Variants in ZXDC observed in about 807,000 individuals in gnomAD.
The protein encoded by ZXDC is ZXD family zinc finger C, also known as zinc finger protein ZXDC.
Under a neutral mutation model 63.6 loss-of-function variants are expected in ZXDC, and 58 were observed. The observed-to-expected ratio is 0.91, with a 90% confidence interval of 0.74 to 1.13. ZXDC has a LOEUF of 1.13. Among genes scored for constraint, ZXDC ranks in the 50% most tolerant of loss-of-function variants. The pLI is 0.00. For synonymous variants in ZXDC, 561 were observed against 496.1 expected, an observed-to-expected ratio of 1.13 and a Z score of -1.74; for missense variants, 1,133 against 1,148.9, an observed-to-expected ratio of 0.99 and a Z score of 0.20.
intron 1 of ZXDC, 37 bp from the exon 2 acceptor site, chr3:126,472,342 G>A: frequency 6.3e-7 from 1 of 1,589,942 alleles, no homozygotes; most frequent in Non-Finnish European, 8.6e-7. Flanking sequence ...TCAAAGCGTG[G>A]CAAAAATTAT....
At chr3:126,465,601 G>A (rs1427111693) in intron 5 of ZXDC, among the ~76,000 whole-genome samples, 1 of 152,224 alleles carries the variant, frequency 6.6e-6, no homozygotes, top group Non-Finnish European at 1.5e-5. Flanking sequence ...AGGCTTAGGG[G>A]ACATATGCTA....
chr3:126,473,194 G>A (rs764473897), intron 1 of ZXDC, among the ~76,000 whole-genome samples: 1 of 152,034 alleles, frequency 6.6e-6, no homozygotes, highest in Non-Finnish European at 1.5e-5. Flanking sequence ...TTTGGGCTTC[G>A]GTGTGTTCAC....
Position 126,461,875 on chromosome 3 carries a change from A to T in ZXDC, c.1787T>A (p.Phe596Tyr). ...CACAGTCTGCACGTCATCCACACTG[A>T]AGCTGCCCTGCTGCAGAACCGTGGC... ...TAATVLQQGS[F>Y]SVDDVQTVSA... The change falls in exon 6 of 10, where the codon TTC (phenylalanine) becomes TAC (tyrosine). Residue 596 changes from phenylalanine to tyrosine, a missense_variant. By Grantham distance (22) the Phe-to-Tyr change is conservative. Coordinates refer to ENST00000389709, the MANE Select transcript of ZXDC (RefSeq NM_025112.5). The T allele has an allele frequency of 6.2e-7, 1 of 1,614,136 alleles. No individual in the cohort carries two copies.
chr3:126,454,486 G>C, intron 7 of ZXDC: 1 of 985,342 alleles, frequency 1.0e-6, no homozygotes, highest in Middle Eastern at 5.2e-4. Flanking sequence ...ATTTGCCTTT[G>C]CTTTATTTTA....
chr3:126,455,719 C>T (rs1391884736), intron 7 of ZXDC, among the ~76,000 whole-genome samples: 1 of 152,096 alleles, frequency 6.6e-6, no homozygotes, highest in Non-Finnish European at 1.5e-5. Context: ...TCGTTGAGGC[C>T]GGGCATGGTG....
At chr3:126,474,900 G>T in intron 1 of ZXDC, 59 bp downstream of exon 1, 1 of 1,498,130 alleles carries the variant, frequency 6.7e-7, no homozygotes, top group Non-Finnish European at 8.9e-7. Context: ...GGGCGGACGT[G>T]GCACCCCAGA....
intron 6 of ZXDC, chr3:126,460,598 C>A (rs1934487201): frequency 6.1e-6 from 6 of 985,298 alleles, no homozygotes; most frequent in Non-Finnish European, 7.2e-6. Flanking sequence ...TGACCTGTGG[C>A]CACCTCCCAT....
chr3:126,441,823 GGTCCT>G lies in ZXDC; in HGVS notation c.2331_2335del (p.Gly778SerfsTer21), dbSNP rs1560088217. The G allele has an allele frequency of 6.2e-7, 1 of 1,613,682 alleles. No individual in the cohort carries two copies. The highest frequency in any genetic ancestry group is 8.5e-7 in the Non-Finnish European group (1 of 1,179,892). On this transcript the variant is annotated frameshift_variant, in exon 8 of 10. Transcript: ENST00000389709. LOFTEE classifies it high-confidence loss of function. ...GCACTGCACCCCAGCTGCTGGAGCTGGTCCTGGCCGTCCTCCGCTGGGCACCACGA... is the reference window on the plus strand; with the variant it reads ...GCACTGCACCCCAGCTGCTGGAGCTGGGCCGTCCTCCGCTGGGCACCACGA...
chr3:126,438,432 A>C lies in ZXDC; in HGVS notation c.2520T>G (p.Ala840=). The C allele has an allele frequency of 3.7e-6, 6 of 1,613,954 alleles. No individual in the cohort carries two copies. The highest frequency in any genetic ancestry group is 5.1e-6 in the Non-Finnish European group (6 of 1,179,930). Residue 840 remains alanine, a synonymous_variant, in exon 10 of 10, where the codon GCT becomes GCG. Coordinates refer to ENST00000389709, the MANE Select transcript of ZXDC (RefSeq NM_025112.5). ...CTGGGAACTGGGTGGCCTCCGGTCC[A>C]GCAGGGCCTCCAGATGAGGGGAGCA... ...QEVLPSSGGP[A]GPEATQFPGS... is the part of the protein sequence containing the mutation.
At chr3:126,441,266 G>C (rs112641511) in intron 8 of ZXDC, 16 of 986,734 alleles carry the variant, frequency 1.6e-5, no homozygotes, top group Middle Eastern at 5.1e-4. Flanking sequence ...TGTTTCGTAG[G>C]AAAGAAAATA....
At chr3:126,464,933 G>A (rs956260424) in intron 5 of ZXDC, among the ~76,000 whole-genome samples, 2 of 152,352 alleles carry the variant, frequency 1.3e-5, no homozygotes, top group Admixed American at 1.3e-4. Context: ...AAGATCCCAA[G>A]GAGGGGCTTC....
In ZXDC at chr3:126,466,233, C is replaced by T; in HGVS notation, c.1363G>A (p.Val455Ile). 3 of 1,614,208 alleles carry T rather than the reference C, an allele frequency of 1.9e-6. No homozygotes were observed. The highest frequency in any genetic ancestry group is 1.1e-5 in the South Asian group (1 of 91,090). The change falls in exon 5 of 10, where the codon GTT becomes ATT. Residue 455 changes from valine to isoleucine, a missense_variant. Val to Ile is a conservative substitution (Grantham distance 29). Coordinates refer to ENST00000389709, the MANE Select transcript of ZXDC (RefSeq NM_025112.5). Reference sequence around the variant, plus strand: ...GTGAAGAGTCTGTTGCAGGTAGAAACTGGGCAACGGCTTTTCGGAGCACCC... The same window carrying T: ...GTGAAGAGTCTGTTGCAGGTAGAAATTGGGCAACGGCTTTTCGGAGCACCC... ...DVGAPKSRCP[V>I]STCNRLFTSK...
intron 6 of ZXDC, chr3:126,460,553 G>C (rs1252126018): frequency 1.0e-6 from 1 of 985,296 alleles, no homozygotes; most frequent in East Asian, 1.1e-4. Flanking sequence ...GAGGCACACA[G>C]TCCTGGCACC....
intron 7 of ZXDC, chr3:126,452,151 T>C (rs2107637534): frequency 3.0e-6 from 3 of 985,452 alleles, no homozygotes; most frequent in Non-Finnish European, 3.6e-6. Flanking sequence ...CCTGGGCTCC[T>C]GGCTCTGCCA....
intron 8 of ZXDC, chr3:126,440,275 GC>G (rs1933626669): frequency 2.0e-6 from 2 of 988,944 alleles, no homozygotes; most frequent in Non-Finnish European, 2.4e-6. Context: ...CTGCATGTCC[GC>G]CCATGGCCAT....
At position 126,441,611 on chromosome 3, in the gene ZXDC, G is replaced by C. The variant is rs1933679667; in HGVS notation, c.2394+154C>G. The C allele has an allele frequency of 3.4e-5, 46 of 1,367,692 alleles. No homozygotes were observed. The South Asian group carries it at 8.2e-4, about 24-fold the overall frequency. The allele number at this position is 1,367,692 out of a possible 1,614,324, so 84.7% of individuals were successfully genotyped here. A position where few individuals can be genotyped will look rare whatever the true frequency, so the allele number is the denominator to read the frequency against. On this transcript the variant is annotated intron_variant, in intron 8 of 9. Transcript: ENST00000389709. Reference sequence around the variant, plus strand: ...GGAGGAGCTGGGCTGTGAGGAGACAGGACTTGGGGCAGTCTACAGGGGAGG... The same window carrying C: ...GGAGGAGCTGGGCTGTGAGGAGACACGACTTGGGGCAGTCTACAGGGGAGG...
Position 126,438,260 on chromosome 3 carries a change from C to T in ZXDC, c.*115G>A, listed in dbSNP as rs1481349195. On this transcript the variant is annotated 3_prime_UTR_variant, in exon 10 of 10. Transcript: ENST00000389709. ...AATGTACCCAAAAGTCTCAAAAGGG[C>T]TACGCTGGTCTTCTGAACGGAAACC... is the stretch of plus-strand genomic sequence containing the variant. The T allele has an allele frequency of 4.9e-6, 4 of 817,718 alleles. No homozygotes were observed. Among genetic ancestry groups the T allele is most frequent in the Non-Finnish European group, 8.2e-6 (4 of 486,916 alleles). The allele number at this position is 817,718 out of a possible 1,614,324, so 50.7% of individuals were successfully genotyped here.
rs770106694 is a variant in ZXDC at position 126,459,670 on chromosome 3, CCT to C, written c.2193_2194del (p.Gly732SerfsTer68). The stretch of plus-strand genomic sequence containing the variant: ...GGCCTCACCTGCATTGCTCCCCGCT[CCT>C]CTCTGCTTTTTTTCCTTGGCTAGTT... On this transcript the variant is annotated frameshift_variant, in exon 7 of 10. Coordinates refer to ENST00000389709, the MANE Select transcript of ZXDC (RefSeq NM_025112.5). LOFTEE classifies it high-confidence loss of function. 3 of 1,614,116 alleles carry C rather than the reference CCT, an allele frequency of 1.9e-6. No individual in the cohort carries two copies. Among genetic ancestry groups the C allele is most frequent in the East Asian group, 2.2e-5 (1 of 44,894 alleles).
chr3:126,453,055 G>A, intron 7 of ZXDC: 1 of 985,360 alleles, frequency 1.0e-6, no homozygotes, highest in Non-Finnish European at 1.2e-6. Context: ...TTTTTCATGG[G>A]AAGCTTCTGT....
Sources: allele counts gnomAD v4.1 joint callset (sites outside exome capture counted in the v4.1 genomes callset), GRCh38; gene constraint gnomAD v4.1.1; transcripts MANE v1.5; gene names NCBI Gene and HGNC (gene_info 2026-07-23, HGNC 2026-07-21).